WDR7: variants seen among roughly 807,000 people sequenced by gnomAD.
WDR7 encodes WD repeat domain 7, also known as WD repeat-containing protein 7.
In WDR7, 46 loss-of-function variants were observed where a neutral mutation model predicts 169.4. The ratio of observed to expected loss-of-function variants is 0.27; its 90% CI spans 0.21 to 0.35. WDR7 has a LOEUF of 0.35. Among genes scored for constraint, WDR7 ranks in the 10% least tolerant of loss-of-function variants. The pLI, the probability that WDR7 is intolerant of heterozygous loss-of-function variation, is 1.00. For synonymous variants in WDR7, 612 were observed against 666.8 expected (o/e 0.92, Z 1.27); for missense variants, 1,534 against 1,859.3 (o/e 0.83, Z 3.22).
rs1412602658 is a variant in WDR7, at chr18:56,727,579, GAGAACTCACTGA to G, written c.1775-3803_1775-3792del. Among the ~76,000 whole-genome samples, 5 of 152,276 alleles carry G rather than the reference GAGAACTCACTGA, an allele frequency of 3.3e-5. No homozygotes were observed. In the East Asian group the frequency reaches 9.7e-4, roughly 29 times the overall value. ...CCCTTGTAAAATCATCAGATCTTGT[GAGAACTCACTGA>G]CTATTAGGAGAACAGCATAGAGGAA... is the stretch of plus-strand genomic sequence containing the variant. On this transcript the variant is annotated intron_variant, in intron 13 of 27. Transcript: ENST00000254442.
chr18:56,781,658 T>G lies in WDR7; in HGVS notation c.3190+2T>G, dbSNP rs1367707087. 13 of 1,590,988 alleles carry G rather than the reference T, an allele frequency of 8.2e-6. No homozygotes were observed. The highest frequency in any genetic ancestry group is 1.1e-5 in the Non-Finnish European group (13 of 1,168,376). ...AGTACATAGACCACGTCATATCACG[T>G]AAGAGTTCTCATGCTTCTCTACAAA... On this transcript the variant is annotated splice_donor_variant, in intron 19 of 27. Transcript: ENST00000254442. LOFTEE classifies it high-confidence loss of function.
intron 26 of WDR7, among the ~76,000 whole-genome samples, chr18:56,993,940 G>A (rs1025562787): frequency 8.6e-5 from 13 of 151,446 alleles, no homozygotes; most frequent in African/African-American, 2.4e-4. Flanking sequence ...TTATATTGTC[G>A]TTGATTTGAA....
At chr18:56,706,058 T>C (rs2025946027) in intron 12 of WDR7, among the ~76,000 whole-genome samples, 1 of 152,214 alleles carries the variant, frequency 6.6e-6, no homozygotes, top group African/African-American at 2.4e-5. Context: ...TTGTATGTGC[T>C]GCAGTCTAGC....
chr18:56,860,392 A>G (rs1013657214), intron 20 of WDR7, among the ~76,000 whole-genome samples: 1 of 152,188 alleles, frequency 6.6e-6, no homozygotes, highest in African/African-American at 2.4e-5. Context: ...AAAATGGTTC[A>G]GTTTTACCAT....
chr18:56,966,093 A>T, intron 26 of WDR7, among the ~76,000 whole-genome samples: 1 of 152,186 alleles, frequency 6.6e-6, no homozygotes, highest in East Asian at 1.9e-4. Flanking sequence ...GGTGGTGGGC[A>T]TAGTGACCGC....
chr18:56,691,342 A>G lies in WDR7; in HGVS notation c.844A>G (p.Ile282Val), dbSNP rs2025565511. The change falls in exon 8 of 28, where the codon ATT becomes GTT. Residue 282 changes from isoleucine to valine, a missense_variant. Ile to Val is a conservative substitution (Grantham distance 29). Coordinates refer to ENST00000254442, the MANE Select transcript of WDR7 (RefSeq NM_015285.3). ...IIWTENGQSY[I>V]YKLPASCLPA... ...TTGGACAGAAAATGGGCAAAGTTAT[A>G]TTTACAAACTACCTGCCAGGTATGC... The G allele has an allele frequency of 6.3e-7, 1 of 1,593,416 alleles. No individual in the cohort carries two copies. Among genetic ancestry groups the G allele is most frequent in the African/African-American group, 1.4e-5 (1 of 73,608 alleles).
intron 21 of WDR7, among the ~76,000 whole-genome samples, chr18:56,905,951 A>G (rs578063323): frequency 4.6e-5 from 7 of 152,310 alleles, no homozygotes; most frequent in South Asian, 4.1e-4. Context: ...GTACCTCAGC[A>G]TAATCAAATG....
At chr18:56,730,263 C>G (rs989473029) in intron 13 of WDR7, among the ~76,000 whole-genome samples, 2 of 152,098 alleles carry the variant, frequency 1.3e-5, no homozygotes, top group Non-Finnish European at 2.9e-5. Flanking sequence ...AGTATGTTCT[C>G]TGGTGTTCGT....
intron 26 of WDR7, among the ~76,000 whole-genome samples, chr18:56,990,786 A>G (rs952136937): frequency 1.3e-5 from 2 of 152,148 alleles, no homozygotes; most frequent in African/African-American, 4.8e-5. Flanking sequence ...TTTTCTCACC[A>G]GGCTCTCCCC....
intron 20 of WDR7, among the ~76,000 whole-genome samples, chr18:56,843,318 G>A (rs976033459): frequency 6.6e-6 from 1 of 152,104 alleles, no homozygotes; most frequent in African/African-American, 2.4e-5. Flanking sequence ...ATCGTTCTCC[G>A]AAACTTTTTC....
chr18:56,984,193 T>C (rs1356852751), intron 26 of WDR7, among the ~76,000 whole-genome samples: 4 of 152,160 alleles, frequency 2.6e-5, no homozygotes, highest in Non-Finnish European at 5.9e-5. Flanking sequence ...AACTTAGAAA[T>C]AACACCCAAT....
intron 12 of WDR7, among the ~76,000 whole-genome samples, chr18:56,709,279 A>G (rs2026031478): frequency 6.6e-6 from 1 of 152,212 alleles, no homozygotes; most frequent in Non-Finnish European, 1.5e-5. Context: ...TATGAGAAGA[A>G]AGTATTGAAA....
At chr18:56,661,237 G>A (rs1008307826) in intron 1 of WDR7, among the ~76,000 whole-genome samples, 2 of 152,176 alleles carry the variant, frequency 1.3e-5, no homozygotes, top group East Asian at 1.9e-4. Context: ...GGAGAAAGTC[G>A]AAGTTGGTTC....
Position 57,020,701 on chromosome 18 carries a change from C to G in WDR7, c.4165-44C>G, listed in dbSNP as rs369128145. The G allele has an allele frequency of 1.2e-4, 195 of 1,572,384 alleles. No individual in the cohort carries two copies. The South Asian group carries it at 1.9e-3, about 15-fold the overall frequency. On this transcript the variant is annotated intron_variant, in intron 26 of 27. Coordinates refer to ENST00000254442, the MANE Select transcript of WDR7 (RefSeq NM_015285.3). ...CATTTGTGTGTGTACTTGTAATTGT[C>G]CTGTGAAATGCTTATCATTCATGAT...
intron 27 of WDR7, among the ~76,000 whole-genome samples, chr18:57,024,009 A>G (rs2048324174): frequency 6.6e-6 from 1 of 152,204 alleles, no homozygotes; most frequent in Non-Finnish European, 1.5e-5. Flanking sequence ...TTTTAATATA[A>G]GCTTGTTTAT....
intron 13 of WDR7, 57 bp from the exon 14 acceptor site, chr18:56,731,326 A>T (rs1322123742): frequency 1.3e-6 from 2 of 1,562,266 alleles, no homozygotes; most frequent in Non-Finnish European, 1.7e-6. Context: ...TTCTTTACTT[A>T]AACTATTCAA....
intron 16 of WDR7, 140 bp downstream of exon 16, chr18:56,759,093 A>C: frequency 5.3e-6 from 3 of 561,570 alleles, no homozygotes; most frequent in Non-Finnish European, 8.8e-6. Flanking sequence ...AGATGTAAAT[A>C]TGGATAATTA....
intron 1 of WDR7, among the ~76,000 whole-genome samples, chr18:56,667,716 A>G (rs563867579): frequency 2.6e-5 from 4 of 152,268 alleles, no homozygotes; most frequent in African/African-American, 9.6e-5. Context: ...CTTTGTGTGA[A>G]ACTTGCATCA....
intron 20 of WDR7, among the ~76,000 whole-genome samples, chr18:56,849,758 A>G (rs563153291): frequency 6.6e-6 from 1 of 151,814 alleles, no homozygotes; most frequent in East Asian, 1.9e-4. Flanking sequence ...TTTAAAACAA[A>G]ACAAAACAAA....
Sources: allele counts gnomAD v4.1 joint callset (sites outside exome capture counted in the v4.1 genomes callset), GRCh38; gene constraint gnomAD v4.1.1; transcripts MANE v1.5; gene names NCBI Gene and HGNC (gene_info 2026-07-23, HGNC 2026-07-21).